Variants in CD5 observed in about 807,000 individuals in gnomAD.
CD5 encodes T-cell surface glycoprotein CD5.
CD5 carries 36 observed loss-of-function variants against 60.3 expected under a neutral mutation model. That is an observed-to-expected ratio of 0.60 (90% confidence interval 0.46 to 0.79). CD5 has a LOEUF of 0.79. Among genes scored for constraint, CD5 ranks in the 30% least tolerant of loss-of-function variants. CD5 has a pLI of 0.00. For synonymous variants in CD5, 230 were observed against 257.6 expected, an observed-to-expected ratio of 0.89 and a Z score of 1.03; for missense variants, 540 against 630.6, an observed-to-expected ratio of 0.86 and a Z score of 1.54.
chr11:61,116,411 CCACA>C lies in CD5; in HGVS notation c.94+1320_94+1323del, dbSNP rs1860946224. On this transcript the variant is annotated intron_variant, in intron 2 of 10. Coordinates refer to ENST00000347785, the MANE Select transcript of CD5 (RefSeq NM_014207.4). ...ACCCCACACAGACCCCACACACACA[CCACA>C]CATACACACAACCACACCACACACA... is the stretch of plus-strand genomic sequence containing the variant. Among the ~76,000 whole-genome samples the C allele has an allele frequency of 6.8e-5, 10 of 146,714 alleles. No homozygotes were observed. The South Asian group carries it at 2.2e-3, about 32-fold the overall frequency.
At chr11:61,115,779 T>C (rs1183754314) in intron 2 of CD5, among the ~76,000 whole-genome samples, 1 of 152,110 alleles carries the variant, frequency 6.6e-6, no homozygotes, top group African/African-American at 2.4e-5. Context: ...GGCTGAAGGG[T>C]CTTGAGATGC....
chr11:61,107,258 G>A (rs1466630990), intron 1 of CD5, among the ~76,000 whole-genome samples: 1 of 152,102 alleles, frequency 6.6e-6, no homozygotes, highest in East Asian at 1.9e-4. Context: ...CAGGCAGAGG[G>A]GCCTCCAGCT....
chr11:61,123,812 T>TTCC, intron 7 of CD5, 72 bp from the exon 8 acceptor site: 5 of 339,950 alleles, frequency 1.5e-5, no homozygotes, highest in Middle Eastern at 8.9e-4. Context: ...CCCAGCCCCA[T>TTCC]CCCCACCCCT....
intron 10 of CD5, 129 bp downstream of exon 10, chr11:61,125,970 T>A (rs960065231): frequency 2.1e-6 from 1 of 485,946 alleles, no homozygotes. Flanking sequence ...CCCAGCATCT[T>A]GATTCTTGTA....
chr11:61,102,699 CT>C, intron 1 of CD5, 84 bp downstream of exon 1: 1 of 1,194,702 alleles, frequency 8.4e-7, no homozygotes, highest in Non-Finnish European at 1.2e-6. Flanking sequence ...CCAAGGCTGA[CT>C]CTGGGATCCA....
chr11:61,124,663 A>G (rs1426464766), intron 8 of CD5, among the ~76,000 whole-genome samples: 1 of 151,874 alleles, frequency 6.6e-6, no homozygotes, highest in Admixed American at 6.6e-5. Flanking sequence ...GTTATTAAGA[A>G]AGGCTCTGGA....
intron 4 of CD5, 23 bp from the exon 5 acceptor site, chr11:61,119,211 C>G (rs76108602): frequency 0.013 from 20,693 of 1,551,406 alleles, 506 homozygotes; most frequent in African/African-American, 0.077. Context: ...GGTGGCTCCC[C>G]CTCCTGCTCT....
At chr11:61,103,230 A>C (rs1860726669) in intron 1 of CD5, among the ~76,000 whole-genome samples, 1 of 151,832 alleles carries the variant, frequency 6.6e-6, no homozygotes, top group African/African-American at 2.4e-5. Context: ...GCCTGCTCTC[A>C]CTCCAGCCCT....
chr11:61,099,720 A>G (rs1223070836), upstream of CD5, among the ~76,000 whole-genome samples: 2 of 151,992 alleles, frequency 1.3e-5, no homozygotes, highest in African/African-American at 2.4e-5. Flanking sequence ...ACACATCAAC[A>G]TGGAGATCAC....
intron 2 of CD5, among the ~76,000 whole-genome samples, chr11:61,115,935 C>T (rs1860933054): frequency 6.6e-6 from 1 of 152,242 alleles, no homozygotes; most frequent in South Asian, 2.1e-4. Flanking sequence ...AAGAAAATCT[C>T]TTGCCTGGTG....
intron 5 of CD5, among the ~76,000 whole-genome samples, chr11:61,120,103 C>T (rs982742113): frequency 2.6e-5 from 4 of 151,986 alleles, no homozygotes; most frequent in Middle Eastern, 3.2e-3. Context: ...GAGGGTCCTG[C>T]GCCGTGTGCT....
chr11:61,122,945 G>A lies in CD5; in HGVS notation c.1138G>A (p.Val380Met), dbSNP rs760772701. The part of the protein sequence containing the change: ...PNPAGLAAGT[V>M]ASIILALVLL... ...CCCCGCAGGCCTGGCCGCAGGCACG[G>A]TGGCAAGCATCATCCTGGCCCTGGT... The change falls in exon 7 of 11, where the codon GTG (valine) becomes ATG (methionine). Residue 380 changes from valine (V) to methionine (M), a missense_variant. Transcript: ENST00000347785. 9.9e-6 allele frequency: 16 copies of A among 1,613,960 alleles called. No homozygotes were observed. The South Asian group carries it at 1.2e-4, about 12-fold the overall frequency.
upstream of CD5, chr11:61,102,469 C>A: frequency 2.3e-6 from 2 of 866,726 alleles, no homozygotes; most frequent in Non-Finnish European, 3.7e-6. Context: ...CGCCACCCCG[C>A]CCTCTCCCTC....
intron 6 of CD5, 85 bp from the exon 7 acceptor site, chr11:61,122,822 C>T (rs969488172): frequency 1.1e-5 from 16 of 1,419,574 alleles, no homozygotes; most frequent in Non-Finnish European, 1.5e-5. Context: ...AGGATGACGG[C>T]GGAAGCCAGG....
chr11:61,118,803 G>A lies in CD5; in HGVS notation c.401-112G>A. On this transcript the variant is annotated intron_variant, in intron 3 of 10. Transcript: ENST00000347785. The surrounding 1 kb of genome is among the most constrained non-coding windows in gnomAD (Gnocchi z 4.7). Reference sequence around the variant, plus strand: ...GACAACGTGTGGGTCAAGTGGACCTGGTGTGCCAAGCGGCACTCATGCCAG... The same window carrying A: ...GACAACGTGTGGGTCAAGTGGACCTAGTGTGCCAAGCGGCACTCATGCCAG... 1.4e-6 allele frequency: 1 copy of A among 723,468 alleles called. No homozygotes were observed. The highest frequency in any genetic ancestry group is 2.7e-5 in the East Asian group (1 of 37,662). 44.8% of individuals were successfully genotyped at this position (723,468 alleles called of 1,614,324 possible). A position where few individuals can be genotyped will look rare whatever the true frequency, so the allele number is the denominator to read the frequency against.
chr11:61,111,209 C>A (rs1860850840), intron 1 of CD5, among the ~76,000 whole-genome samples: 3 of 152,092 alleles, frequency 2.0e-5, no homozygotes, highest in Non-Finnish European at 2.9e-5. Flanking sequence ...CCAGGTCAGA[C>A]CCAGGTGGTG....
the CD5 span, among the ~76,000 whole-genome samples, chr11:61,097,205 C>A: frequency 6.6e-6 from 1 of 152,114 alleles, no homozygotes; most frequent in Non-Finnish European, 1.5e-5. Flanking sequence ...GTTATGTATG[C>A]GGAGGAACTG....
upstream of CD5, among the ~76,000 whole-genome samples, chr11:61,097,547 T>C (rs1860601893): frequency 6.6e-6 from 1 of 152,116 alleles, no homozygotes; most frequent in Admixed American, 6.5e-5. Context: ...CAGCCCCCAC[T>C]GGATTATACT....
chr11:61,117,485 C>T (rs1471292338), intron 2 of CD5, among the ~76,000 whole-genome samples: 1 of 151,956 alleles, frequency 6.6e-6, no homozygotes, highest in Admixed American at 6.6e-5. Context: ...GTAAAATTAC[C>T]TCAATAAAAT....
Sources: allele counts gnomAD v4.1 joint callset (sites outside exome capture counted in the v4.1 genomes callset), GRCh38; gene constraint gnomAD v4.1.1; non-coding constraint Gnocchi (gnomAD v3.1); transcripts MANE v1.5; gene names NCBI Gene and HGNC (gene_info 2026-07-23, HGNC 2026-07-21).